Variants in GABBR2 observed in about 807,000 individuals in gnomAD.
The protein encoded by GABBR2 is G-protein coupled receptor 51.
A neutral mutation model predicts 105.6 loss-of-function variants in GABBR2; 23 were observed. The ratio of observed to expected loss-of-function variants is 0.22; its 90% CI spans 0.16 to 0.31. The LOEUF is 0.31. Ranked by LOEUF, GABBR2 falls within the 10% of genes least tolerant of loss-of-function variation. GABBR2 has a pLI of 1.00. For missense variants in GABBR2, 734 were observed against 1,245.5 expected (o/e 0.59, Z 6.18); for synonymous variants, 478 against 499.7 (o/e 0.96, Z 0.58).
chr9:98,473,134 C>G lies in GABBR2; in HGVS notation c.999+12G>C. 6.2e-7 allele frequency: 1 copy of G among 1,606,068 alleles called. No individual in the cohort carries two copies. Among genetic ancestry groups the G allele is most frequent in the South Asian group, 1.1e-5 (1 of 90,620 alleles). On this transcript the variant is annotated intron_variant, in intron 6 of 18. Transcript: ENST00000259455. Reference sequence around the variant, plus strand: ...TGGGCCAGAAGGTTGAAATGGGGACCAAGGCACTGACCTTTCCTGAGATGG... The same window carrying G: ...TGGGCCAGAAGGTTGAAATGGGGACGAAGGCACTGACCTTTCCTGAGATGG...
intron 1 of GABBR2, among the ~76,000 whole-genome samples, chr9:98,651,434 T>C (rs908872096): frequency 4.9e-4 from 74 of 151,882 alleles, no homozygotes; most frequent in Admixed American, 4.7e-3. Context: ...CTTATCAAGA[T>C]AATAAGTTAA....
chr9:98,651,431 A>G (rs974517531), intron 1 of GABBR2, among the ~76,000 whole-genome samples: 1 of 150,348 alleles, frequency 6.7e-6, no homozygotes, highest in Non-Finnish European at 1.5e-5. Flanking sequence ...CAGCTTATCA[A>G]GATAATAAGT....
chr9:98,390,375 C>CAAAAAAAAAAAAAAAAAAAAAAAAAAAAA lies in GABBR2; in HGVS notation c.1379-1372_1379-1371insTTTTTTTTTTTTTTTTTTTTTTTTTTTTT, dbSNP rs61216428. Among the ~76,000 whole-genome samples the CAAAAAAAAAAAAAAAAAAAAAAAAAAAAA allele has an allele frequency of 9.2e-5, 3 of 32,438 alleles. 1 individual carries two copies. The highest frequency in any genetic ancestry group is 3.0e-4 in the African/African-American group (3 of 9,948). The allele number at this position is 32,438 out of a possible 152,430, so 21.3% of individuals were successfully genotyped here. On this transcript the variant is annotated intron_variant, in intron 9 of 18. Coordinates refer to ENST00000259455, the MANE Select transcript of GABBR2 (RefSeq NM_005458.8). ...GGTGACAGAGCAAGACTCCATCTCA[C>CAAAAAAAAAAAAAAAAAAAAAAAAAAAAA]AAAAAAAAAAAAAAAAAAAAAAAAA...
Position 98,303,261 on chromosome 9 carries a change from G to C in GABBR2, c.2392C>G (p.Leu798Val). ...LEGLQSENHR[L>V]RMKITELDKD... ...GGTACCTCTGTGATCTTCATTCGCA[G>C]GCGATGGTTTTCTGACTGTAGGCCC... The change falls in exon 16 of 19, where the codon CTG becomes GTG. Residue 798 changes from leucine to valine, a missense_variant. Physicochemically the swap from Leu to Val is conservative, Grantham distance 32 (BLOSUM62 1). Transcript: ENST00000259455. 6.2e-7 allele frequency: 1 copy of C among 1,614,138 alleles called. No homozygotes were observed. The highest frequency in any genetic ancestry group is 8.5e-7 in the Non-Finnish European group (1 of 1,180,012).
intron 1 of GABBR2, among the ~76,000 whole-genome samples, chr9:98,695,042 C>T (rs190413261): frequency 6.6e-6 from 1 of 152,232 alleles, no homozygotes. Flanking sequence ...TCAACTGGAA[C>T]AATCCATTCC....
intron 13 of GABBR2, among the ~76,000 whole-genome samples, chr9:98,342,744 C>T (rs1437972206): frequency 1.3e-5 from 2 of 152,194 alleles, no homozygotes; most frequent in African/African-American, 4.8e-5. Context: ...GGAGTGTGAC[C>T]CTTAGCATCC....
intron 1 of GABBR2, among the ~76,000 whole-genome samples, chr9:98,706,805 A>G (rs1326302955): frequency 6.6e-6 from 1 of 152,276 alleles, no homozygotes; most frequent in Non-Finnish European, 1.5e-5. Context: ...TATGTGCAGT[A>G]GCAACAGAGA....
intron 13 of GABBR2, among the ~76,000 whole-genome samples, chr9:98,325,511 T>C (rs921096510): frequency 7.2e-5 from 11 of 152,074 alleles, no homozygotes; most frequent in African/African-American, 2.7e-4. Context: ...AGGCTGGTCT[T>C]GAACTCCTGA....
intron 12 of GABBR2, among the ~76,000 whole-genome samples, chr9:98,368,958 G>C (rs895137261): frequency 4.6e-5 from 7 of 152,206 alleles, no homozygotes; most frequent in African/African-American, 1.4e-4. Context: ...CAGGGCAGCC[G>C]CACTCAGAAG....
intron 2 of GABBR2, among the ~76,000 whole-genome samples, chr9:98,573,360 A>C (rs149992518): frequency 6.6e-6 from 1 of 152,176 alleles, no homozygotes; most frequent in Non-Finnish European, 1.5e-5. Flanking sequence ...ATAGCTCACT[A>C]CAGCCTTGAA....
chr9:98,371,828 G>C (rs1160376355), intron 11 of GABBR2, among the ~76,000 whole-genome samples: 1 of 152,220 alleles, frequency 6.6e-6, no homozygotes, highest in Non-Finnish European at 1.5e-5. Flanking sequence ...CCTAGAGAGA[G>C]CCAGACAGAG....
chr9:98,572,992 G>A lies in GABBR2; in HGVS notation c.459+4943C>T, dbSNP rs558021017. Among the ~76,000 whole-genome samples, 3 of 152,322 alleles carry A rather than the reference G, an allele frequency of 2.0e-5. No individual in the cohort carries two copies. The South Asian group carries it at 6.2e-4, about 32-fold the overall frequency. ...CAAGGAGCCTGGGAAAATGCAGAGC[G>A]ATTCTGTGGAGGTGGAGGCTGAGAT... On this transcript the variant is annotated intron_variant, in intron 2 of 18. Coordinates refer to ENST00000259455, the MANE Select transcript of GABBR2 (RefSeq NM_005458.8).
At chr9:98,635,186 T>A (rs1327256869) in intron 1 of GABBR2, among the ~76,000 whole-genome samples, 1 of 152,246 alleles carries the variant, frequency 6.6e-6, no homozygotes, top group Non-Finnish European at 1.5e-5. Flanking sequence ...CTGATTAGCA[T>A]ACTGCTCTGC....
At chr9:98,440,734 T>C (rs1826017292) in intron 7 of GABBR2, among the ~76,000 whole-genome samples, 1 of 152,198 alleles carries the variant, frequency 6.6e-6, no homozygotes, top group Non-Finnish European at 1.5e-5. Flanking sequence ...CTCATCCACG[T>C]GAGCACAGAG....
intron 7 of GABBR2, among the ~76,000 whole-genome samples, chr9:98,414,471 C>G (rs1832650242): frequency 6.6e-6 from 1 of 152,188 alleles, no homozygotes; most frequent in Admixed American, 6.5e-5. Flanking sequence ...CCACGCAGAA[C>G]CTTACCAGCT....
rs181865920 is a variant in GABBR2 at position 98,358,147 on chromosome 9, G to A, written c.1893+4568C>T. On this transcript the variant is annotated intron_variant, in intron 13 of 18. Transcript: ENST00000259455. ...TTTAGGATGCTATCAGTTTTTGGCT[G>A]TTATAAACAGTGCTGCTGTGAACAC... is the stretch of plus-strand genomic sequence containing the variant. Among the ~76,000 whole-genome samples the A allele has an allele frequency of 2.6e-4, 39 of 152,300 alleles. No individual in the cohort carries two copies. The East Asian group carries it at 7.3e-3, about 29-fold the overall frequency.
intron 1 of GABBR2, chr9:98,606,990 C>T (rs1291638656): frequency 2.4e-6 from 2 of 847,348 alleles, no homozygotes; most frequent in African/African-American, 1.7e-5. Flanking sequence ...CGCCCCATGT[C>T]GCTCGGTAGC....
intron 6 of GABBR2, among the ~76,000 whole-genome samples, chr9:98,464,175 G>A (rs572142511): frequency 2.6e-4 from 35 of 136,684 alleles, no homozygotes; most frequent in African/African-American, 6.6e-4. Flanking sequence ...CCGCCATCCC[G>A]TCTAGGAATT....
At chr9:98,619,113 T>C (rs2131820035) in intron 1 of GABBR2, among the ~76,000 whole-genome samples, 1 of 152,278 alleles carries the variant, frequency 6.6e-6, no homozygotes, top group South Asian at 2.1e-4. Flanking sequence ...ATATTTTCAA[T>C]TTTGAGGGTA....
Sources: gnomAD v4.1 joint callset for allele counts (sites outside exome capture counted in the v4.1 genomes callset) on GRCh38, gnomAD v4.1.1 for gene constraint, MANE v1.5 for transcripts, NCBI Gene and HGNC (gene_info 2026-07-23, HGNC 2026-07-21) for gene names.